Variants in LRRC4C observed in about 807,000 individuals in gnomAD.
LRRC4C encodes leucine rich repeat containing 4C, also known as leucine-rich repeat-containing protein 4C.
LRRC4C carries 5 observed loss-of-function variants against 33.6 expected under a neutral mutation model. That is an observed-to-expected ratio of 0.15 (90% confidence interval 0.08 to 0.31). The LOEUF (loss-of-function observed/expected upper bound fraction) is 0.31. LRRC4C is among the 10% of genes least tolerant of loss of function. The pLI is 1.00. For synonymous variants in LRRC4C, 329 were observed against 302.0 expected, an observed-to-expected ratio of 1.09 and a Z score of -0.93; for missense variants, 560 against 796.7, an observed-to-expected ratio of 0.70 and a Z score of 3.58.
chr11:40,457,582 A>G (rs1314221373), intron 3 of LRRC4C, among the ~76,000 whole-genome samples: 1 of 152,126 alleles, frequency 6.6e-6, no homozygotes, highest in African/African-American at 2.4e-5. Context: ...TAGGTGCACC[A>G]TCACCTCTGG....
chr11:41,441,949 T>C (rs969138573), intron 1 of LRRC4C, among the ~76,000 whole-genome samples: 2 of 152,182 alleles, frequency 1.3e-5, no homozygotes, highest in Non-Finnish European at 2.9e-5. Context: ...AAAAAAATTA[T>C]AATAATGCAA....
intron 1 of LRRC4C, among the ~76,000 whole-genome samples, chr11:41,191,751 TCTA>T (rs1198247664): frequency 2.6e-5 from 4 of 152,144 alleles, no homozygotes; most frequent in Non-Finnish European, 5.9e-5. Flanking sequence ...GCAGAGCAGT[TCTA>T]CTTTTGTCCA....
At chr11:40,746,253 G>A (rs956931463) in intron 2 of LRRC4C, among the ~76,000 whole-genome samples, 6 of 152,050 alleles carry the variant, frequency 3.9e-5, no homozygotes, top group African/African-American at 7.2e-5. Context: ...ACTGTGCAAC[G>A]GCACCGCTTC....
Position 41,160,049 on chromosome 11 carries a change from T to C in LRRC4C, c.-495-226326A>G, listed in dbSNP as rs531750173. 4.6e-4 allele frequency among the ~76,000 whole-genome samples: 70 copies of C among 152,024 alleles called. 1 individual carries two copies. The highest frequency in any genetic ancestry group is 9.1e-4 in the Non-Finnish European group (62 of 67,946). The stretch of plus-strand genomic sequence containing the variant: ...CACATACACACACATGAATGGAAAT[T>C]AAAAGTATTAGAAAACTATCATTAC... On this transcript the variant is annotated intron_variant, in intron 1 of 6. Transcript: ENST00000528697.
chr11:41,048,260 CTTTTTTTTTT>C (rs35599405), intron 1 of LRRC4C, among the ~76,000 whole-genome samples: 3 of 107,064 alleles, frequency 2.8e-5, no homozygotes, highest in Admixed American at 1.2e-4. Flanking sequence ...AGATTCTTTA[CTTTTTTTTTT>C]TTTTTTTTTT....
chr11:41,198,838 G>C (rs1337868896), intron 1 of LRRC4C, among the ~76,000 whole-genome samples: 1 of 152,058 alleles, frequency 6.6e-6, no homozygotes, highest in Non-Finnish European at 1.5e-5. Flanking sequence ...GGAGAAGCAG[G>C]TCTCCTGGGA....
intron 6 of LRRC4C, among the ~76,000 whole-genome samples, chr11:40,136,156 CA>C (rs1227755594): frequency 6.6e-6 from 1 of 151,632 alleles, no homozygotes; most frequent in East Asian, 1.9e-4. Context: ...CACTGAAGGG[CA>C]GAACTGAGTG....
chr11:40,507,997 T>TC (rs1955122292), intron 3 of LRRC4C, among the ~76,000 whole-genome samples: 1 of 152,118 alleles, frequency 6.6e-6, no homozygotes, highest in African/African-American at 2.4e-5. Context: ...CCTGAAGTGA[T>TC]CCGCCCACTT....
Position 40,341,749 on chromosome 11 carries a change from A to T in LRRC4C, c.-269-22028T>A, listed in dbSNP as rs147788152. Among the ~76,000 whole-genome samples, 70 of 152,340 alleles carry T rather than the reference A, an allele frequency of 4.6e-4. 2 individuals are homozygous for T. Among genetic ancestry groups the T allele is most frequent in the African/African-American group, 1.6e-3 (66 of 41,578 alleles). On this transcript the variant is annotated intron_variant, in intron 3 of 6. Coordinates refer to ENST00000528697, the MANE Select transcript of LRRC4C (RefSeq NM_001258419.2). ...TCTTTCAGAGTTCAAAAGACAGAAA[A>T]AAAGATAGTCATCACAGTTGATACA...
At chr11:40,543,420 T>G (rs569092193) in intron 3 of LRRC4C, among the ~76,000 whole-genome samples, 1 of 152,110 alleles carries the variant, frequency 6.6e-6, no homozygotes, top group Admixed American at 6.6e-5. Flanking sequence ...ATCTGCACAC[T>G]TTCTGAAAGC....
At chr11:40,769,813 T>C (rs1030065664) in intron 2 of LRRC4C, among the ~76,000 whole-genome samples, 5 of 152,156 alleles carry the variant, frequency 3.3e-5, no homozygotes, top group Non-Finnish European at 5.9e-5. Flanking sequence ...TCTCTTGCCA[T>C]ATACAAAAAT....
chr11:40,291,327 T>A (rs766537746), intron 4 of LRRC4C, among the ~76,000 whole-genome samples: 4 of 152,214 alleles, frequency 2.6e-5, no homozygotes, highest in Non-Finnish European at 5.9e-5. Context: ...AGCTGGCACA[T>A]GAGAAGTATT....
chr11:41,058,483 C>T (rs1858810833), intron 1 of LRRC4C, among the ~76,000 whole-genome samples: 2 of 152,268 alleles, frequency 1.3e-5, no homozygotes, highest in Admixed American at 6.5e-5. Flanking sequence ...GAGCCAAGCA[C>T]AGCCTGCTAG....
intron 1 of LRRC4C, among the ~76,000 whole-genome samples, chr11:41,098,918 T>A (rs1940984513): frequency 6.6e-6 from 1 of 151,092 alleles, no homozygotes; most frequent in Non-Finnish European, 1.5e-5. Flanking sequence ...TGAAAAAAAA[T>A]TGATAAGATA....
At chr11:40,528,998 A>G (rs1956169442) in intron 3 of LRRC4C, among the ~76,000 whole-genome samples, 1 of 152,120 alleles carries the variant, frequency 6.6e-6, no homozygotes, top group Non-Finnish European at 1.5e-5. Context: ...GGGAGAGGGG[A>G]GAGTTGCTGT....
intron 3 of LRRC4C, among the ~76,000 whole-genome samples, chr11:40,541,355 C>T (rs1208430231): frequency 6.6e-6 from 1 of 152,078 alleles, no homozygotes; most frequent in Non-Finnish European, 1.5e-5. Flanking sequence ...GATCTTCTCG[C>T]CTCAGCCTCC....
intron 3 of LRRC4C, among the ~76,000 whole-genome samples, chr11:40,393,705 C>T (rs529099840): frequency 3.9e-5 from 6 of 152,218 alleles, no homozygotes; most frequent in East Asian, 1.9e-4. Flanking sequence ...TTGACTAATA[C>T]GACAGCAGGA....
intron 1 of LRRC4C, among the ~76,000 whole-genome samples, chr11:41,122,059 T>C (rs1187200365): frequency 6.6e-6 from 1 of 152,120 alleles, no homozygotes; most frequent in Admixed American, 6.6e-5. Flanking sequence ...AACATCTCAT[T>C]GCTCCTAGGA....
chr11:40,907,269 G>A (rs1283213294), intron 2 of LRRC4C, among the ~76,000 whole-genome samples: 1 of 152,122 alleles, frequency 6.6e-6, no homozygotes, highest in African/African-American at 2.4e-5. Flanking sequence ...TTTTCCTGTA[G>A]CTGGACACGT....
Sources: gnomAD v4.1 joint callset for allele counts (sites outside exome capture counted in the v4.1 genomes callset) on GRCh38, gnomAD v4.1.1 for gene constraint, MANE v1.5 for transcripts, NCBI Gene and HGNC (gene_info 2026-07-23, HGNC 2026-07-21) for gene names.